The following PDE4D variants were observed in gnomAD, a reference collection of about 807,000 sequenced individuals.
The protein encoded by PDE4D is phosphodiesterase 4D.
PDE4D carries 24 observed loss-of-function variants against 87.4 expected under a neutral mutation model. The observed-to-expected ratio is 0.27, with a 90% confidence interval of 0.20 to 0.39. PDE4D has a LOEUF of 0.39. PDE4D is among the 10% of genes least tolerant of loss of function. PDE4D has a pLI of 1.00. For synonymous variants in PDE4D, 384 were observed against 383.2 expected, an observed-to-expected ratio of 1.00 and a Z score of -0.02; for missense variants, 714 against 1,041.0, an observed-to-expected ratio of 0.69 and a Z score of 4.32.
chr5:60,380,513 C>T (rs1347789618), intron 1 of PDE4D, among the ~76,000 whole-genome samples: 1 of 152,124 alleles, frequency 6.6e-6, no homozygotes, highest in Admixed American at 6.5e-5. Context: ...CCCCAATGTC[C>T]CGATCAGGGC....
At chr5:59,689,862 C>T (rs1176179082) in intron 1 of PDE4D, among the ~76,000 whole-genome samples, 1 of 152,186 alleles carries the variant, frequency 6.6e-6, no homozygotes, top group Non-Finnish European at 1.5e-5. Context: ...TGATAAGCAA[C>T]TTCAGCAAAG....
At position 58,990,816 on chromosome 5, in the gene PDE4D, G is replaced by A. The variant is rs891049472; in HGVS notation, c.1275C>T (p.His425=). 6.3e-7 allele frequency: 1 copy of A among 1,577,822 alleles called. No homozygotes were observed. Among genetic ancestry groups the A allele is most frequent in the South Asian group, 1.1e-5 (1 of 87,190 alleles). ...SGNRPLTVIM[H]TIFQERDLLK... ...TCAACCACCTTACCTGAAAAATGGT[G>A]TGCATGATAACAGTCAAGGGCCGGT... Residue 425 remains histidine (H), a synonymous_variant, in exon 9 of 15, where the codon CAC becomes CAT. Transcript: ENST00000340635.
At chr5:59,151,380 A>G (rs766412857) in intron 5 of PDE4D, among the ~76,000 whole-genome samples, 13 of 152,134 alleles carry the variant, frequency 8.5e-5, no homozygotes, top group Admixed American at 2.0e-4. Context: ...ACTACATTAC[A>G]TCTCAGTGTT....
At chr5:60,020,152 G>C (rs1468987452) in intron 2 of PDE4D, among the ~76,000 whole-genome samples, 1 of 152,122 alleles carries the variant, frequency 6.6e-6, no homozygotes, top group African/African-American at 2.4e-5. Flanking sequence ...CTAAATGGAT[G>C]GTTGGTGGAG....
intron 5 of PDE4D, among the ~76,000 whole-genome samples, chr5:59,055,099 A>G (rs1195355228): frequency 6.6e-6 from 1 of 152,220 alleles, no homozygotes; most frequent in South Asian, 2.1e-4. Context: ...CAGATAGACC[A>G]TATGAATGAA....
chr5:59,610,563 C>G (rs1416263646), intron 1 of PDE4D, among the ~76,000 whole-genome samples: 1 of 152,122 alleles, frequency 6.6e-6, no homozygotes, highest in African/African-American at 2.4e-5. Context: ...ATACAAATAA[C>G]ATTTTAAAAT....
intron 1 of PDE4D, among the ~76,000 whole-genome samples, chr5:60,502,196 G>C (rs1750112827): frequency 6.6e-6 from 1 of 152,096 alleles, no homozygotes; most frequent in African/African-American, 2.4e-5. Flanking sequence ...GTAAGGAAGG[G>C]ATCCAGTTTC....
At chr5:59,403,389 A>T (rs2153615290) in intron 1 of PDE4D, among the ~76,000 whole-genome samples, 1 of 152,266 alleles carries the variant, frequency 6.6e-6, no homozygotes, top group South Asian at 2.1e-4. Context: ...CAAATACCAG[A>T]TCTTATTTGT....
chr5:59,955,414 G>A (rs1434157446), intron 3 of PDE4D, among the ~76,000 whole-genome samples: 1 of 152,028 alleles, frequency 6.6e-6, no homozygotes, highest in African/African-American at 2.4e-5. Context: ...CTGTTCAGTG[G>A]GTGCCTGCCA....
At chr5:60,421,302 C>T (rs763935585) in intron 1 of PDE4D, among the ~76,000 whole-genome samples, 2 of 152,166 alleles carry the variant, frequency 1.3e-5, no homozygotes, top group African/African-American at 2.4e-5. Context: ...AGACATCTCA[C>T]ACAGGCAGGT....
chr5:60,511,360 T>C (rs1419560292), intron 1 of PDE4D, among the ~76,000 whole-genome samples: 1 of 152,150 alleles, frequency 6.6e-6, no homozygotes, highest in Non-Finnish European at 1.5e-5. Flanking sequence ...TATAAGCTGT[T>C]GACTCCCATG....
At chr5:59,536,910 G>C (rs1049392430) in intron 1 of PDE4D, among the ~76,000 whole-genome samples, 1 of 152,098 alleles carries the variant, frequency 6.6e-6, no homozygotes, top group Non-Finnish European at 1.5e-5. Context: ...GTTCCACATA[G>C]TATGACAAAT....
At chr5:59,240,530 C>G (rs1757424513) in intron 1 of PDE4D, among the ~76,000 whole-genome samples, 1 of 152,116 alleles carries the variant, frequency 6.6e-6, no homozygotes, top group Non-Finnish European at 1.5e-5. Context: ...CTGTAAAACA[C>G]TAAGCTCAGC....
At chr5:59,566,596 G>A (rs1490768024) in intron 1 of PDE4D, among the ~76,000 whole-genome samples, 1 of 151,178 alleles carries the variant, frequency 6.6e-6, no homozygotes, top group Non-Finnish European at 1.5e-5. Flanking sequence ...GAGAATGAGA[G>A]AGAGAGAGAA....
intron 5 of PDE4D, among the ~76,000 whole-genome samples, chr5:59,074,365 A>G (rs192874654): frequency 6.6e-6 from 1 of 152,336 alleles, no homozygotes; most frequent in Non-Finnish European, 1.5e-5. Flanking sequence ...TTGAAAATAT[A>G]AAATGGAGGA....
At chr5:59,643,609 A>C (rs768512929) in intron 1 of PDE4D, among the ~76,000 whole-genome samples, 5 of 152,188 alleles carry the variant, frequency 3.3e-5, no homozygotes, top group South Asian at 2.1e-4. Context: ...GTAAAGAAAA[A>C]AATGTATGGT....
chr5:59,773,572 G>GT (rs1030394844), intron 1 of PDE4D, among the ~76,000 whole-genome samples: 4 of 152,010 alleles, frequency 2.6e-5, no homozygotes, highest in African/African-American at 9.7e-5. Context: ...TTCCTGAGAT[G>GT]TTTTTTGTTT....
intron 12 of PDE4D, 94 bp downstream of exon 12, chr5:58,977,097 A>T: frequency 9.0e-7 from 1 of 1,114,262 alleles, no homozygotes; most frequent in Non-Finnish European, 1.3e-6. Flanking sequence ...TTTGAAATGC[A>T]GTTCCTTTTA....
chr5:60,262,027 T>C (rs1014242279), intron 1 of PDE4D, among the ~76,000 whole-genome samples: 1 of 152,078 alleles, frequency 6.6e-6, no homozygotes, highest in African/African-American at 2.4e-5. Context: ...TCTAGTCTCT[T>C]CACCAACCTT....
Sources: allele counts gnomAD v4.1 joint callset (sites outside exome capture counted in the v4.1 genomes callset), GRCh38; gene constraint gnomAD v4.1.1; transcripts MANE v1.5; gene names NCBI Gene and HGNC (gene_info 2026-07-23, HGNC 2026-07-21).